SAMMSON: variants seen among roughly 807,000 people sequenced by gnomAD.
The protein encoded by SAMMSON is long intergenic non-protein coding RNA 1212.
chr3:70,347,436 C>T (rs926107629), intron 7 of SAMMSON, among the ~76,000 whole-genome samples: 3 of 130,138 alleles, frequency 2.3e-5, no homozygotes, highest in African/African-American at 8.6e-5. Flanking sequence ...CGGAACTGGC[C>T]TAAGTAGAGA....
In SAMMSON at chr3:70,337,121, ATAATAATATCTAACTTAATATTAT is replaced by A. The variant is rs1285886336; in HGVS notation, n.740-17051_740-17028del. On this transcript the variant is annotated intron_variant and non_coding_transcript_variant, in intron 7 of 9. Coordinates refer to ENST00000642114, the Ensembl canonical transcript of SAMMSON. Reference sequence around the variant, plus strand: ...AATATCTAACTTAATATTCTTATTAATAATAATATCTAACTTAATATTATTATTAATAATAATATCTAACTTAAT... The same window carrying A: ...AATATCTAACTTAATATTCTTATTAATATTAATAATAATATCTAACTTAAT... 3.7e-3 allele frequency among the ~76,000 whole-genome samples: 407 copies of A among 110,164 alleles called. 3 individuals carry two copies. Among genetic ancestry groups the A allele is most frequent in the Non-Finnish European group, 4.8e-3 (240 of 49,988 alleles). The allele number at this position is 110,164 out of a possible 152,430, so 72.3% of individuals were successfully genotyped here.
At chr3:70,354,996 C>CA in intron 8 of SAMMSON, among the ~76,000 whole-genome samples, 1 of 152,170 alleles carries the variant, frequency 6.6e-6, no homozygotes, top group Middle Eastern at 3.4e-3. Flanking sequence ...CACGACTCAG[C>CA]AATAGTACAC....
chr3:70,352,255 A>C lies in SAMMSON; in HGVS notation n.740-1920A>C, dbSNP rs1309558333. On this transcript the variant is annotated intron_variant and non_coding_transcript_variant, in intron 7 of 9. Coordinates refer to ENST00000642114, the Ensembl canonical transcript of SAMMSON. ...CTTAGGAGAAAGAAAAAAATCTTGAAAGGAGTGAAAGAGAAATGACACCTT... is the reference window on the plus strand; with the variant it reads ...CTTAGGAGAAAGAAAAAAATCTTGACAGGAGTGAAAGAGAAATGACACCTT... Among the ~76,000 whole-genome samples the C allele has an allele frequency of 2.0e-5, 3 of 152,276 alleles. No homozygotes were observed. In the East Asian group the frequency reaches 5.8e-4, roughly 29 times the overall value.
chr3:70,089,737 A>C (rs1322383667), intron 4 of SAMMSON, among the ~76,000 whole-genome samples: 1 of 152,156 alleles, frequency 6.6e-6, no homozygotes, highest in African/African-American at 2.4e-5. Flanking sequence ...ATGTTTTCAA[A>C]AAATATAGTT....
intron 4 of SAMMSON, among the ~76,000 whole-genome samples, chr3:70,169,072 A>T (rs374551914): frequency 9.9e-5 from 15 of 152,020 alleles, no homozygotes; most frequent in East Asian, 7.7e-4. Flanking sequence ...TCACAAAACA[A>T]CTAAAATATA....
chr3:70,018,003 T>A (rs1213853952), intron 3 of SAMMSON, among the ~76,000 whole-genome samples: 3 of 152,144 alleles, frequency 2.0e-5, no homozygotes, highest in African/African-American at 7.2e-5. Flanking sequence ...TTATTGAGGA[T>A]TTTTGCATCG....
chr3:70,029,508 G>T (rs1388018375), intron 3 of SAMMSON, among the ~76,000 whole-genome samples: 2 of 152,048 alleles, frequency 1.3e-5, no homozygotes, highest in African/African-American at 2.4e-5. Context: ...AATGCTCCCA[G>T]TTTGGGAGGC....
intron 6 of SAMMSON, among the ~76,000 whole-genome samples, chr3:70,265,081 C>T (rs1184197440): frequency 6.6e-6 from 1 of 152,162 alleles, no homozygotes; most frequent in Non-Finnish European, 1.5e-5. Flanking sequence ...CAGGAAAGAC[C>T]TGCCCCCATG....
intron 3 of SAMMSON, among the ~76,000 whole-genome samples, chr3:70,041,032 A>G (rs1377442950): frequency 6.6e-6 from 1 of 152,122 alleles, no homozygotes; most frequent in Non-Finnish European, 1.5e-5. Flanking sequence ...TTTAATTTTC[A>G]TGTTCTTGCA....
At chr3:70,265,101 C>T (rs1701903838) in intron 6 of SAMMSON, among the ~76,000 whole-genome samples, 1 of 152,184 alleles carries the variant, frequency 6.6e-6, no homozygotes, top group South Asian at 2.1e-4. Flanking sequence ...GATTCAATTA[C>T]CTCTCACTGG....
chr3:70,130,038 T>C (rs2067475832), intron 4 of SAMMSON, among the ~76,000 whole-genome samples: 1 of 152,158 alleles, frequency 6.6e-6, no homozygotes, highest in Non-Finnish European at 1.5e-5. Flanking sequence ...GGAATGGCAA[T>C]ATACACCTGT....
intron 7 of SAMMSON, among the ~76,000 whole-genome samples, chr3:70,337,978 C>A (rs1286197115): frequency 2.6e-5 from 4 of 151,104 alleles, no homozygotes; most frequent in Non-Finnish European, 5.9e-5. Flanking sequence ...AGAATTAAAC[C>A]CTTTTGATTG....
At chr3:70,050,682 C>T (rs2067142695) in intron 3 of SAMMSON, among the ~76,000 whole-genome samples, 1 of 152,088 alleles carries the variant, frequency 6.6e-6, no homozygotes, top group Non-Finnish European at 1.5e-5. Context: ...GGTCAACTTT[C>T]ACCTGAATGA....
chr3:70,232,415 T>C (rs1486441615), intron 4 of SAMMSON, among the ~76,000 whole-genome samples: 3 of 151,998 alleles, frequency 2.0e-5, no homozygotes, highest in Non-Finnish European at 4.4e-5. Flanking sequence ...TTTTTTTTTT[T>C]TTCTTGCGAT....
intron 7 of SAMMSON, among the ~76,000 whole-genome samples, chr3:70,346,255 A>C (rs1346623181): frequency 6.8e-6 from 1 of 147,946 alleles, no homozygotes. Flanking sequence ...TCATATGTTT[A>C]TTTGACATCT....
intron 9 of SAMMSON, among the ~76,000 whole-genome samples, chr3:70,368,074 T>C (rs536663640): frequency 3.4e-4 from 51 of 151,550 alleles, no homozygotes; most frequent in African/African-American, 1.2e-3. Flanking sequence ...CTTTTCATTT[T>C]CTTAAGTGTC....
chr3:70,313,641 A>T (rs1450291246), intron 7 of SAMMSON, among the ~76,000 whole-genome samples: 1 of 152,058 alleles, frequency 6.6e-6, no homozygotes, highest in East Asian at 1.9e-4. Flanking sequence ...TTTTTGTCTC[A>T]AGGTGGCTTG....
intron 2 of SAMMSON, among the ~76,000 whole-genome samples, chr3:70,429,792 G>C (rs1200705858): frequency 6.6e-6 from 1 of 152,152 alleles, no homozygotes; most frequent in Non-Finnish European, 1.5e-5. Context: ...AGGAATGCTT[G>C]TGATTTTTTT....
intron 3 of SAMMSON, among the ~76,000 whole-genome samples, chr3:70,045,029 A>G (rs868066704): frequency 1.1e-4 from 14 of 124,514 alleles, no homozygotes; most frequent in Non-Finnish European, 2.2e-4. Flanking sequence ...TAATTATAAT[A>G]TATATTATAA....
Sources: gnomAD v4.1 joint callset for allele counts (sites outside exome capture counted in the v4.1 genomes callset) on GRCh38, gnomAD v4.1.1 for gene constraint, MANE v1.5 for transcripts, NCBI Gene and HGNC (gene_info 2026-07-23, HGNC 2026-07-21) for gene names.